HS3ST2: variants seen among roughly 807,000 people sequenced by gnomAD.
HS3ST2 encodes the protein heparan sulfate glucosamine 3-O-sulfotransferase 2.
Under a neutral mutation model 26.3 loss-of-function variants are expected in HS3ST2, and 17 were observed. The observed-to-expected ratio is 0.65, with a 90% CI of 0.44 to 0.97. HS3ST2 has a LOEUF of 0.97. Among genes scored for constraint, HS3ST2 ranks in the 50% least tolerant of loss-of-function variants. The pLI is 0.00. For synonymous variants in HS3ST2, 237 were observed against 219.2 expected, an observed-to-expected ratio of 1.08 and a Z score of -0.72; for missense variants, 402 against 501.2, an observed-to-expected ratio of 0.80 and a Z score of 1.89.
chr16:22,853,708 A>C (rs1435117552), intron 1 of HS3ST2, among the ~76,000 whole-genome samples: 1 of 152,190 alleles, frequency 6.6e-6, no homozygotes, highest in Admixed American at 6.5e-5. Flanking sequence ...AGGAGAGAGC[A>C]TTGTGGGACA....
chr16:22,906,468 T>C (rs1047399555), intron 1 of HS3ST2, among the ~76,000 whole-genome samples: 1 of 152,220 alleles, frequency 6.6e-6, no homozygotes, highest in Admixed American at 6.5e-5. Flanking sequence ...GACTTTTGCA[T>C]TGCTCCAAAA....
At chr16:22,838,614 C>T (rs1901308259) in intron 1 of HS3ST2, among the ~76,000 whole-genome samples, 1 of 152,138 alleles carries the variant, frequency 6.6e-6, no homozygotes, top group African/African-American at 2.4e-5. Context: ...GCTGCTGAAA[C>T]TCAACTGCGG....
chr16:22,819,399 G>T (rs1237069355), intron 1 of HS3ST2, among the ~76,000 whole-genome samples: 3 of 152,092 alleles, frequency 2.0e-5, no homozygotes, highest in Admixed American at 1.3e-4. Context: ...AGGAAGTTTG[G>T]ATGTGAAATA....
chr16:22,878,631 A>T (rs1339906283), intron 1 of HS3ST2, among the ~76,000 whole-genome samples: 1 of 152,176 alleles, frequency 6.6e-6, no homozygotes, highest in Admixed American at 6.5e-5. Context: ...AAATAAATAC[A>T]TTATGGAGCA....
intron 1 of HS3ST2, among the ~76,000 whole-genome samples, chr16:22,874,942 G>C (rs148466619): frequency 2.0e-5 from 3 of 152,130 alleles, no homozygotes; most frequent in African/African-American, 4.8e-5. Flanking sequence ...AGGGGCCAAG[G>C]CTGCACGAAT....
intron 1 of HS3ST2, among the ~76,000 whole-genome samples, chr16:22,823,070 T>TAGTTAAA (rs1474692136): frequency 2.0e-5 from 3 of 152,168 alleles, no homozygotes; most frequent in African/African-American, 7.2e-5. Flanking sequence ...TGTGCAAGTA[T>TAGTTAAA]AGTTAAAATA....
intron 1 of HS3ST2, among the ~76,000 whole-genome samples, chr16:22,859,027 G>C (rs768007198): frequency 6.6e-6 from 1 of 152,076 alleles, no homozygotes; most frequent in Non-Finnish European, 1.5e-5. Flanking sequence ...TTAGATGGGC[G>C]TGGTGGTGTA....
intron 1 of HS3ST2, among the ~76,000 whole-genome samples, chr16:22,890,316 T>A (rs1367854059): frequency 2.6e-5 from 4 of 152,232 alleles, no homozygotes. Flanking sequence ...TTTTTTTCTC[T>A]TTGAAACCAT....
intron 1 of HS3ST2, among the ~76,000 whole-genome samples, chr16:22,906,986 G>C (rs752882061): frequency 2.0e-5 from 3 of 152,204 alleles, no homozygotes; most frequent in Non-Finnish European, 4.4e-5. Context: ...AAGGGCATGA[G>C]GGTGCTAGTA....
At chr16:22,914,733 T>C (rs1439078756) in intron 1 of HS3ST2, among the ~76,000 whole-genome samples, 1 of 50,266 alleles carries the variant, frequency 2.0e-5, no homozygotes, top group Non-Finnish European at 3.1e-5. Context: ...TGAGACCTTG[T>C]CTCAAAAAAA....
chr16:22,844,858 T>TC (rs971627486), intron 1 of HS3ST2, among the ~76,000 whole-genome samples: 1 of 151,716 alleles, frequency 6.6e-6, no homozygotes, highest in African/African-American at 2.4e-5. Flanking sequence ...TTCTTTTCTT[T>TC]CTTTTTTTTT....
chr16:22,866,316 TGC>T (rs140600798), intron 1 of HS3ST2, among the ~76,000 whole-genome samples: 45 of 145,326 alleles, frequency 3.1e-4, no homozygotes, highest in Middle Eastern at 3.6e-3. Flanking sequence ...CGCAAGCACG[TGC>T]GCGCGCGCGC....
At chr16:22,824,952 G>T (rs1319441068) in intron 1 of HS3ST2, among the ~76,000 whole-genome samples, 1 of 152,184 alleles carries the variant, frequency 6.6e-6, no homozygotes, top group Non-Finnish European at 1.5e-5. Flanking sequence ...CCTCACGGTG[G>T]CACAAGGGCT....
intron 1 of HS3ST2, among the ~76,000 whole-genome samples, chr16:22,817,379 C>T (rs765738540): frequency 1.3e-5 from 2 of 152,182 alleles, no homozygotes; most frequent in African/African-American, 2.4e-5. Flanking sequence ...TACAAATCCA[C>T]ACCCCTAGAG....
In HS3ST2 at chr16:22,814,983, G is replaced by C; in HGVS notation, c.373G>C (p.Gly125Arg). 2.5e-6 allele frequency: 4 copies of C among 1,612,996 alleles called. No individual in the cohort carries two copies. Among genetic ancestry groups the C allele is most frequent in the Non-Finnish European group, 3.4e-6 (4 of 1,179,946 alleles). ...PQALIVGVKKGGTRAVLEFIR... is the reference protein window; with the variant it reads ...PQALIVGVKKRGTRAVLEFIR... ...AGCCCTCATTGTGGGCGTGAAGAAG[G>C]GGGGCACCCGGGCCGTGCTGGAGTT... The change falls in exon 1 of 2, where the codon GGG becomes CGG. Residue 125 changes from glycine (G) to arginine (R), a missense_variant. Physicochemically the swap from Gly to Arg is moderately radical, Grantham distance 125. Coordinates refer to ENST00000261374, the MANE Select transcript of HS3ST2 (RefSeq NM_006043.2).
chr16:22,875,091 C>T (rs1234776548), intron 1 of HS3ST2, among the ~76,000 whole-genome samples: 1 of 151,932 alleles, frequency 6.6e-6, no homozygotes, highest in African/African-American at 2.4e-5. Flanking sequence ...GATCCTGGCC[C>T]TGTGGAGGCC....
At chr16:22,884,507 A>G (rs1170563575) in intron 1 of HS3ST2, among the ~76,000 whole-genome samples, 3 of 152,052 alleles carry the variant, frequency 2.0e-5, no homozygotes, top group Admixed American at 6.6e-5. Flanking sequence ...TATCCATAAT[A>G]GAAGGAGCTT....
At chr16:22,853,283 C>T (rs1901543183) in intron 1 of HS3ST2, among the ~76,000 whole-genome samples, 1 of 152,202 alleles carries the variant, frequency 6.6e-6, no homozygotes, top group African/African-American at 2.4e-5. Flanking sequence ...TACAGGTGGA[C>T]TCATACAGTG....
At chr16:22,892,008 C>T (rs1186953545) in intron 1 of HS3ST2, among the ~76,000 whole-genome samples, 1 of 151,742 alleles carries the variant, frequency 6.6e-6, no homozygotes, top group Non-Finnish European at 1.5e-5. Context: ...GGCGTGATGG[C>T]TCACGCCTGT....
Sources: gnomAD v4.1 joint callset for allele counts (sites outside exome capture counted in the v4.1 genomes callset) on GRCh38, gnomAD v4.1.1 for gene constraint, MANE v1.5 for transcripts, NCBI Gene and HGNC (gene_info 2026-07-23, HGNC 2026-07-21) for gene names.